Variants in RNF19A observed in about 807,000 individuals in gnomAD.
RNF19A encodes the protein E3 ubiquitin-protein ligase RNF19A.
In RNF19A, 32 loss-of-function variants were observed where a neutral mutation model predicts 75.7. The ratio of observed to expected loss-of-function variants is 0.42; its 90% CI spans 0.32 to 0.57. The LOEUF (loss-of-function observed/expected upper bound fraction) is 0.57. Among genes scored for constraint, RNF19A ranks in the 20% least tolerant of loss-of-function variants. The pLI is 0.10. For synonymous variants in RNF19A, 335 were observed against 345.2 expected (o/e 0.97, Z 0.33); for missense variants, 782 against 1,036.3 (o/e 0.75, Z 3.37).
In RNF19A at chr8:100,287,330, T is replaced by C. The variant is rs11985974; in HGVS notation, c.674+171A>G. ...AGAGACGATATAGAAATGAGTAAGA[T>C]AGGATCACTGCCTTTAACACCTAGC... On this transcript the variant is annotated intron_variant, in intron 2 of 9. Coordinates refer to ENST00000341084, the MANE Select transcript of RNF19A (RefSeq NM_183419.4). This position sits in a 1 kb window ranked among gnomAD's most constrained non-coding sequence, Gnocchi z 4.1. Among the ~76,000 whole-genome samples the C allele has an allele frequency of 0.056, 8,569 of 152,246 alleles. 798 individuals carry two copies. The highest frequency in any genetic ancestry group is 0.19 in the African/African-American group (8,002 of 41,494).
At chr8:100,291,147 T>A (rs544935876) in intron 1 of RNF19A, among the ~76,000 whole-genome samples, 1 of 152,202 alleles carries the variant, frequency 6.6e-6, no homozygotes, top group East Asian at 1.9e-4. Flanking sequence ...AGGTAAGATA[T>A]ATTCCTGAAT....
chr8:100,327,154 GA>G (rs926489643), intron 1 of RNF19A, among the ~76,000 whole-genome samples: 33 of 149,620 alleles, frequency 2.2e-4, no homozygotes, highest in African/African-American at 7.9e-4. Flanking sequence ...CAAATGTAAA[GA>G]AAAATTATTC....
At chr8:100,291,964 AG>A (rs1821315433) in intron 1 of RNF19A, among the ~76,000 whole-genome samples, 5 of 131,706 alleles carry the variant, frequency 3.8e-5, no homozygotes, top group Non-Finnish European at 7.9e-5. Flanking sequence ...AAGAGGACTA[AG>A]TCTTTTTTTT....
intron 1 of RNF19A, chr8:100,309,474 C>T: frequency 2.0e-6 from 2 of 985,550 alleles, no homozygotes; most frequent in Non-Finnish European, 2.4e-6. Flanking sequence ...TTGGGTCTCC[C>T]CCGCTTTAGG....
chr8:100,259,572 G>A lies in RNF19A; in HGVS notation c.1826+282C>T, dbSNP rs183979441. Among the ~76,000 whole-genome samples, 1 of 152,204 alleles carries A rather than the reference G, an allele frequency of 6.6e-6. No homozygotes were observed. Among genetic ancestry groups the A allele is most frequent in the African/African-American group, 2.4e-5 (1 of 41,528 alleles). On this transcript the variant is annotated intron_variant, in intron 9 of 9. Transcript: ENST00000341084. This position sits in a 1 kb window ranked among gnomAD's most constrained non-coding sequence, Gnocchi z 4.5. ...GATTTTTAGTTGTGATCAGAGCTGT[G>A]CAACCATCACCACTACCTAACTTCA...
intron 2 of RNF19A, among the ~76,000 whole-genome samples, chr8:100,286,339 T>C (rs184880312): frequency 6.6e-6 from 1 of 152,208 alleles, no homozygotes; most frequent in Non-Finnish European, 1.5e-5. Flanking sequence ...TTATCTATAT[T>C]ATAGTACAAG....
chr8:100,277,053 C>T (rs1820556659), intron 2 of RNF19A, among the ~76,000 whole-genome samples: 1 of 152,004 alleles, frequency 6.6e-6, no homozygotes, highest in Admixed American at 6.6e-5. Flanking sequence ...CTCTATAAAA[C>T]TTTCAATTTA....
At position 100,269,846 on chromosome 8, in the gene RNF19A, A is replaced by G; in HGVS notation, c.1028+23T>C. 6.4e-7 allele frequency: 1 copy of G among 1,551,974 alleles called. No homozygotes were observed. The highest frequency in any genetic ancestry group is 8.7e-7 in the Non-Finnish European group (1 of 1,150,618). ...CAATATAAAATTACATTTACATATA[A>G]ATAGCTCCTTCTATAAGCTTACCTT... is the stretch of plus-strand genomic sequence containing the variant. On this transcript the variant is annotated intron_variant, in intron 4 of 9. Transcript: ENST00000341084. This position sits in a 1 kb window ranked among gnomAD's most constrained non-coding sequence, Gnocchi z 5.7.
chr8:100,316,504 A>G (rs1822377718), intron 1 of RNF19A, among the ~76,000 whole-genome samples: 2 of 152,160 alleles, frequency 1.3e-5, no homozygotes, highest in African/African-American at 4.8e-5. Flanking sequence ...AAGGTTCTCC[A>G]TGTCCCCATC....
At chr8:100,283,404 G>C (rs1411257692) in intron 2 of RNF19A, among the ~76,000 whole-genome samples, 1 of 152,150 alleles carries the variant, frequency 6.6e-6, no homozygotes, top group Non-Finnish European at 1.5e-5. Flanking sequence ...ACTATGGCTG[G>C]ATTTTTCTCT....
intron 3 of RNF19A, among the ~76,000 whole-genome samples, chr8:100,273,213 T>A (rs566964611): frequency 9.9e-4 from 151 of 152,336 alleles, no homozygotes; most frequent in African/African-American, 3.4e-3. Flanking sequence ...AAGTTTTTTT[T>A]TAAAACAATC....
intron 1 of RNF19A, among the ~76,000 whole-genome samples, chr8:100,306,597 A>G (rs887987375): frequency 5.3e-5 from 8 of 152,244 alleles, no homozygotes; most frequent in African/African-American, 1.9e-4. Context: ...ACTTTGATAT[A>G]GAAAGTATCA....
At chr8:100,319,416 G>A (rs1433508178) in intron 1 of RNF19A, among the ~76,000 whole-genome samples, 2 of 151,702 alleles carry the variant, frequency 1.3e-5, no homozygotes, top group Non-Finnish European at 2.9e-5. Flanking sequence ...TTTAAAACAA[G>A]ATAAATGAAA....
Position 100,317,223 on chromosome 8 carries a change from A to G in RNF19A, c.-242-3851T>C, listed in dbSNP as rs2130326697. Among the ~76,000 whole-genome samples, 1 of 151,860 alleles carries G rather than the reference A, an allele frequency of 6.6e-6. No individual in the cohort carries two copies. The highest frequency in any genetic ancestry group is 1.9e-4 in the East Asian group (1 of 5,160). On this transcript the variant is annotated intron_variant, in intron 1 of 3. Coordinates refer to the RNF19A transcript ENST00000519527. This position sits in a 1 kb window ranked among gnomAD's most constrained non-coding sequence, Gnocchi z 4.3. ...GGCTCCAGCCTTGGCCAGCCCAGAA[A>G]GGGGCTCTCACAGTGCAGTGGTGGG...
chr8:100,292,508 T>C (rs1821355748), intron 1 of RNF19A, among the ~76,000 whole-genome samples: 1 of 151,994 alleles, frequency 6.6e-6, no homozygotes, highest in African/African-American at 2.4e-5. Flanking sequence ...AATTTTCCAA[T>C]GTAGAAATTT....
intron 1 of RNF19A, among the ~76,000 whole-genome samples, chr8:100,321,921 C>T (rs1677535861): frequency 6.6e-6 from 1 of 152,162 alleles, no homozygotes; most frequent in African/African-American, 2.4e-5. Context: ...ATGCTGTGAA[C>T]AGATATGTGA....
At chr8:100,309,567 G>A in intron 1 of RNF19A, 2 of 979,908 alleles carry the variant, frequency 2.0e-6, no homozygotes, top group Non-Finnish European at 1.2e-6. Context: ...GGCACCAGGA[G>A]GACAGGGCTT....
chr8:100,301,481 C>T (rs1821825316), intron 1 of RNF19A, among the ~76,000 whole-genome samples: 1 of 152,188 alleles, frequency 6.6e-6, no homozygotes, highest in Non-Finnish European at 1.5e-5. Flanking sequence ...CAGTTTCTCA[C>T]TGTTCTACAT....
At chr8:100,274,829 A>G in intron 3 of RNF19A, 124 bp downstream of exon 3, 1 of 683,900 alleles carries the variant, frequency 1.5e-6, no homozygotes, top group Non-Finnish European at 2.4e-6. Context: ...TGCTTCTGGG[A>G]TAGAAATGCA....
Sources: allele counts gnomAD v4.1 joint callset (sites outside exome capture counted in the v4.1 genomes callset), GRCh38; gene constraint gnomAD v4.1.1; non-coding constraint Gnocchi (gnomAD v3.1); transcripts MANE v1.5; gene names NCBI Gene and HGNC (gene_info 2026-07-23, HGNC 2026-07-21).